Variants in CEP126 observed in about 807,000 individuals in gnomAD.
CEP126 encodes the protein centrosomal protein 126, also known as centrosomal protein of 126 kDa.
CEP126 carries 74 observed loss-of-function variants against 107.8 expected under a neutral mutation model. That is an observed-to-expected ratio of 0.69 (90% CI 0.57 to 0.83). The LOEUF is 0.83. Among genes scored for constraint, CEP126 ranks in the 40% least tolerant of loss-of-function variants. CEP126 has a pLI of 0.00. For missense variants in CEP126, 1,237 were observed against 1,281.9 expected, an observed-to-expected ratio of 0.96 and a Z score of 0.53; for synonymous variants, 449 against 446.0, an observed-to-expected ratio of 1.01 and a Z score of -0.08.
intron 2 of CEP126, among the ~76,000 whole-genome samples, chr11:101,939,135 A>C (rs1025776589): frequency 1.4e-4 from 22 of 152,258 alleles, no homozygotes; most frequent in Non-Finnish European, 3.2e-4. Context: ...ACTTTTTTCC[A>C]GATACTTTTT....
intron 10 of CEP126, among the ~76,000 whole-genome samples, chr11:101,993,321 T>C (rs1343239141): frequency 1.3e-5 from 2 of 152,228 alleles, no homozygotes; most frequent in Non-Finnish European, 2.9e-5. Context: ...TTTGGCTTCC[T>C]GTTCCTGTAT....
Position 101,962,098 on chromosome 11 carries a change from G to A in CEP126, c.1063G>A (p.Gly355Arg), listed in dbSNP as rs1232875063. The A allele has an allele frequency of 2.5e-6, 4 of 1,612,050 alleles. No homozygotes were observed. The African/African-American group carries it at 5.4e-5, about 22-fold the overall frequency. The change falls in exon 6 of 11, where the codon GGA (glycine) becomes AGA (arginine). Residue 355 changes from glycine to arginine, a missense_variant. Gly to Arg is a moderately radical substitution (Grantham distance 125). Around this residue, in one of 3 missense-constraint regions of CEP126, gnomAD observed 1,134 missense variants for 1,150.5 expected, o/e 0.99. Coordinates refer to ENST00000263468, the MANE Select transcript of CEP126 (RefSeq NM_020802.4). ...SKEQNPSPLNGTVERATNTAN... is the reference protein window; with the variant it reads ...SKEQNPSPLNRTVERATNTAN... ...AGAACAAAATCCATCTCCTTTGAAT[G>A]GAACAGTGGAAAGAGCCACAAATAC...
chr11:101,944,549 A>T, intron 3 of CEP126, 139 bp downstream of exon 3: 1 of 754,782 alleles, frequency 1.3e-6, no homozygotes, highest in Non-Finnish European at 2.1e-6. Context: ...AAAGCACTTT[A>T]ACCAAAGAAA....
chr11:101,987,021 A>T lies in CEP126; in HGVS notation c.3224A>T (p.Asp1075Val). The T allele has an allele frequency of 1.9e-6, 3 of 1,610,148 alleles. No individual in the cohort carries two copies. Among genetic ancestry groups the T allele is most frequent in the Non-Finnish European group, 2.5e-6 (3 of 1,176,770 alleles). The change falls in exon 9 of 11, where the codon GAT becomes GTT. Residue 1075 changes from aspartate to valine, a missense_variant. Physicochemically the swap from Asp to Val is radical, Grantham distance 152 (BLOSUM62 -3). Coordinates refer to ENST00000263468, the MANE Select transcript of CEP126 (RefSeq NM_020802.4). ...EEQKILESLN[D>V]LSERLHYIQE... ...CAGAAGATCCTAGAGTCCCTTAATGATCTCAGTGAAAGACTACATTGTAAG... is the reference window on the plus strand; with the variant it reads ...CAGAAGATCCTAGAGTCCCTTAATGTTCTCAGTGAAAGACTACATTGTAAG...
rs545107071 is a variant in CEP126 at position 101,978,862 on chromosome 11, C to G, written c.2958+403C>G. Among the ~76,000 whole-genome samples, 624 of 152,302 alleles carry G rather than the reference C, an allele frequency of 4.1e-3. 2 individuals are homozygous for G. The highest frequency in any genetic ancestry group is 0.014 in the African/African-American group (587 of 41,568). On this transcript the variant is annotated intron_variant, in intron 7 of 10. Transcript: ENST00000263468. ...AAGTATGCTAGGCCAGGCGCGGTGG[C>G]TCACACCTGTAATCCTGGCACTTTG...
Position 101,998,734 on chromosome 11 carries a change from A to C in CEP126, c.*1091A>C, listed in dbSNP as rs1397046567. On this transcript the variant is annotated 3_prime_UTR_variant, in exon 11 of 11. Coordinates refer to ENST00000263468, the MANE Select transcript of CEP126 (RefSeq NM_020802.4). ...AAACACTTGATGTAGTGAGAAATGC[A>C]TTAACATGTTGAATGCCTACCATGT... The C allele has an allele frequency of 6.6e-6, 1 of 152,218 alleles. No individual in the cohort carries two copies. The highest frequency in any genetic ancestry group is 1.5e-5 in the Non-Finnish European group (1 of 68,024). The allele number at this position is 152,218 out of a possible 1,614,324, so 9.4% of individuals were successfully genotyped here.
At position 101,958,243 on chromosome 11, in the gene CEP126, C is replaced by G. The variant is rs1368547621; in HGVS notation, c.582C>G (p.Ile194Met). The change falls in exon 5 of 11, where the codon ATC (isoleucine) becomes ATG (methionine). Residue 194 changes from isoleucine (I) to methionine (M), a missense_variant. Physicochemically the swap from Ile to Met is conservative, Grantham distance 10 (BLOSUM62 1). Coordinates refer to ENST00000263468, the MANE Select transcript of CEP126 (RefSeq NM_020802.4). ...ATCAGAAACAACTCTTATCCAAAAT[C>G]AATTGTGAGAAAGAAATGAATGAAA... ...HKHQKQLLSK[I>M]NCEKEMNENM... 1.2e-6 allele frequency: 2 copies of G among 1,613,896 alleles called. No homozygotes were observed. Among genetic ancestry groups the G allele is most frequent in the Admixed American group, 1.7e-5 (1 of 60,006 alleles).
chr11:101,971,071 G>A (rs1322605600), intron 6 of CEP126, among the ~76,000 whole-genome samples: 1 of 152,056 alleles, frequency 6.6e-6, no homozygotes, highest in Non-Finnish European at 1.5e-5. Context: ...AGGCTCAAGC[G>A]ATCCTCCCAT....
intron 6 of CEP126, among the ~76,000 whole-genome samples, chr11:101,977,668 A>T (rs1460409503): frequency 2.6e-5 from 4 of 151,458 alleles, no homozygotes; most frequent in Non-Finnish European, 5.9e-5. Context: ...AAAATAATAT[A>T]ATAAACATTC....
chr11:101,996,092 C>G lies in CEP126; in HGVS notation c.3310-1507C>G, dbSNP rs1941438227. 2.0e-5 allele frequency among the ~76,000 whole-genome samples: 3 copies of G among 152,248 alleles called. No homozygotes were observed. The South Asian group carries it at 6.2e-4, about 32-fold the overall frequency. On this transcript the variant is annotated intron_variant, in intron 10 of 10. Coordinates refer to ENST00000263468, the MANE Select transcript of CEP126 (RefSeq NM_020802.4). The stretch of plus-strand genomic sequence containing the variant: ...CAAAGGTGCCCAGCAGCTCACTCCT[C>G]TCCACTCTATAGCATCTTCATGACT...
intron 3 of CEP126, among the ~76,000 whole-genome samples, chr11:101,946,971 G>C (rs1377885993): frequency 7.2e-5 from 11 of 152,124 alleles, no homozygotes; most frequent in Admixed American, 7.2e-4. Flanking sequence ...TACTTTGATA[G>C]ATGCATCCTT....
intron 6 of CEP126, among the ~76,000 whole-genome samples, chr11:101,966,422 G>A (rs1330013655): frequency 1.3e-5 from 2 of 151,986 alleles, no homozygotes; most frequent in African/African-American, 2.4e-5. Context: ...CAGAGTTGAC[G>A]ATTGTGGAGA....
intron 2 of CEP126, among the ~76,000 whole-genome samples, chr11:101,934,048 A>G (rs1940541722): frequency 6.6e-6 from 1 of 151,990 alleles, no homozygotes. Context: ...ACAAAGGACA[A>G]GGTATCATCT....
At chr11:101,945,229 T>C (rs1303375929) in intron 3 of CEP126, among the ~76,000 whole-genome samples, 2 of 152,180 alleles carry the variant, frequency 1.3e-5, no homozygotes, top group Admixed American at 1.3e-4. Flanking sequence ...GAAAAATGAC[T>C]TAAGTCGGAT....
At chr11:101,958,959 T>A (rs1940936234) in intron 5 of CEP126, among the ~76,000 whole-genome samples, 1 of 152,018 alleles carries the variant, frequency 6.6e-6, no homozygotes, top group African/African-American at 2.4e-5. Flanking sequence ...ATGAACAAAA[T>A]AAATAAAACA....
intron 9 of CEP126, among the ~76,000 whole-genome samples, chr11:101,987,385 A>T (rs1433406735): frequency 6.6e-6 from 1 of 152,220 alleles, no homozygotes; most frequent in Non-Finnish European, 1.5e-5. Context: ...GTGATGAGCT[A>T]GTAAGAATGT....
intron 6 of CEP126, among the ~76,000 whole-genome samples, chr11:101,966,915 ATTC>A (rs1478232121): frequency 1.3e-5 from 2 of 151,378 alleles, no homozygotes; most frequent in African/African-American, 2.4e-5. Context: ...ACTTAAGCAC[ATTC>A]TCCTCTCTTT....
At chr11:101,990,822 T>C (rs1273198909) in intron 9 of CEP126, among the ~76,000 whole-genome samples, 1 of 151,918 alleles carries the variant, frequency 6.6e-6, no homozygotes, top group Non-Finnish European at 1.5e-5. Flanking sequence ...GTGGGGGGAC[T>C]CTCCAAGACC....
rs931965769 is a variant in CEP126 at position 101,958,469 on chromosome 11, C to A, written c.705+103C>A. ...AAAGAAATATCTTACTAGCTGAGAG[C>A]AGGCCATGAAAGACAGTGTGGATGA... On this transcript the variant is annotated intron_variant, in intron 5 of 10. Coordinates refer to ENST00000263468, the MANE Select transcript of CEP126 (RefSeq NM_020802.4). 5.7e-6 allele frequency: 5 copies of A among 879,874 alleles called. No homozygotes were observed. In the Admixed American group the frequency reaches 9.4e-5, roughly 17 times the overall value. The allele number at this position is 879,874 out of a possible 1,614,324, so 54.5% of individuals were successfully genotyped here.
Sources: allele counts gnomAD v4.1 joint callset (sites outside exome capture counted in the v4.1 genomes callset), GRCh38; gene constraint gnomAD v4.1.1; regional missense constraint gnomAD v4.1.1; transcripts MANE v1.5; gene names NCBI Gene and HGNC (gene_info 2026-07-23, HGNC 2026-07-21).